The following ANKRD30B variants were observed in gnomAD, a reference collection of about 807,000 sequenced individuals.
ANKRD30B encodes ankyrin repeat domain-containing protein 30B.
Under a neutral mutation model 202.2 loss-of-function variants are expected in ANKRD30B, and 144 were observed. The ratio of observed to expected loss-of-function variants is 0.71; its 90% CI spans 0.62 to 0.82. ANKRD30B has a LOEUF of 0.82. ANKRD30B is among the 40% of genes least tolerant of loss of function. The pLI is 0.00. For synonymous variants in ANKRD30B, 508 were observed against 561.3 expected (o/e 0.91, Z 1.34); for missense variants, 1,487 against 1,669.1 (o/e 0.89, Z 1.90).
intron 8 of ANKRD30B, 120 bp downstream of exon 8, chr18:14,769,493 T>A: frequency 1.4e-6 from 1 of 726,912 alleles, no homozygotes; most frequent in Non-Finnish European, 2.2e-6. Context: ...TTAATATTTA[T>A]CATCTCACAT....
At chr18:14,774,740 A>T (rs1271193985) in intron 9 of ANKRD30B, among the ~76,000 whole-genome samples, 1 of 152,134 alleles carries the variant, frequency 6.6e-6, no homozygotes, top group Non-Finnish European at 1.5e-5. Context: ...AAAATATAAC[A>T]TGTAATTTAA....
At chr18:14,757,238 C>T (rs1186293211) in intron 4 of ANKRD30B, among the ~76,000 whole-genome samples, 1 of 152,136 alleles carries the variant, frequency 6.6e-6, no homozygotes, top group Non-Finnish European at 1.5e-5. Context: ...AGCTTCCTCA[C>T]TTGATAGGTG....
chr18:14,834,881 C>A (rs987571920), intron 34 of ANKRD30B, among the ~76,000 whole-genome samples: 2 of 151,890 alleles, frequency 1.3e-5, no homozygotes, highest in Non-Finnish European at 2.9e-5. Flanking sequence ...TATATTTAAT[C>A]TAGTCATACT....
chr18:14,817,382 A>C (rs1268497572), intron 30 of ANKRD30B, among the ~76,000 whole-genome samples: 1 of 152,156 alleles, frequency 6.6e-6, no homozygotes, highest in Non-Finnish European at 1.5e-5. Flanking sequence ...AAAAGTAATA[A>C]AAAAATAACA....
chr18:14,799,564 T>G (rs901684386), intron 22 of ANKRD30B, among the ~76,000 whole-genome samples: 2 of 152,134 alleles, frequency 1.3e-5, no homozygotes, highest in Admixed American at 1.3e-4. Context: ...TTTCTGTACG[T>G]GCTCGGTTTT....
chr18:14,865,850 G>A, the ANKRD30B span, among the ~76,000 whole-genome samples: 2 of 152,110 alleles, frequency 1.3e-5, no homozygotes, highest in African/African-American at 4.8e-5. Flanking sequence ...CCTCTAAGCC[G>A]GGCTCAGAGC....
In ANKRD30B at chr18:14,826,326, G is replaced by A. The variant is rs549569663; in HGVS notation, c.2744-1952G>A. On this transcript the variant is annotated intron_variant, in intron 32 of 43. Coordinates refer to ENST00000690538, the MANE Select transcript of ANKRD30B (RefSeq NM_001367607.2). ...TGTTGCAAATTTCTTTTAAATATGA[G>A]AATTTCAGCAGTAAGATTATAACTG... Among the ~76,000 whole-genome samples the A allele has an allele frequency of 2.6e-5, 4 of 152,316 alleles. No individual in the cohort carries two copies. The South Asian group carries it at 8.3e-4, about 32-fold the overall frequency.
chr18:14,807,057 T>C (rs1049041194), intron 24 of ANKRD30B, among the ~76,000 whole-genome samples: 1 of 151,144 alleles, frequency 6.6e-6, no homozygotes, highest in Non-Finnish European at 1.5e-5. Flanking sequence ...GTCATGCATA[T>C]TTAGCCTTAA....
chr18:14,856,031 G>A (rs1469805636), downstream of ANKRD30B, among the ~76,000 whole-genome samples: 20 of 94,312 alleles, frequency 2.1e-4, no homozygotes, highest in Middle Eastern at 0.015. Flanking sequence ...GGTGCTCCTC[G>A]CCTCCCACAT....
chr18:14,753,104 C>T, intron 3 of ANKRD30B, 92 bp downstream of exon 3: 1 of 1,026,506 alleles, frequency 9.7e-7, no homozygotes, highest in Admixed American at 3.3e-5. Flanking sequence ...GAAACACAAA[C>T]ATTCCTTGAG....
chr18:14,815,592 A>G (rs1970050439), intron 30 of ANKRD30B, among the ~76,000 whole-genome samples: 1 of 152,158 alleles, frequency 6.6e-6, no homozygotes, highest in Admixed American at 6.5e-5. Context: ...CAAGACAGAA[A>G]AGGTTAGGAG....
the ANKRD30B span, among the ~76,000 whole-genome samples, chr18:14,881,452 A>G: frequency 6.6e-6 from 1 of 152,160 alleles, no homozygotes; most frequent in Non-Finnish European, 1.5e-5. Flanking sequence ...ATGGTGGATT[A>G]TCTTTTTGAT....
At chr18:14,788,712 A>C (rs1209736686) in intron 15 of ANKRD30B, among the ~76,000 whole-genome samples, 5 of 152,048 alleles carry the variant, frequency 3.3e-5, no homozygotes, top group African/African-American at 9.7e-5. Flanking sequence ...TGTCCCTACA[A>C]AGGACATGAA....
chr18:14,846,077 T>C (rs1221479146), intron 39 of ANKRD30B, among the ~76,000 whole-genome samples: 2 of 152,096 alleles, frequency 1.3e-5, no homozygotes, highest in African/African-American at 4.8e-5. Context: ...TATTTTTTTT[T>C]TTTTTTAGCT....
In ANKRD30B at chr18:14,787,049, C is replaced by T. The variant is rs1453184179; in HGVS notation, c.1683C>T (p.Phe561=). The T allele has an allele frequency of 1.2e-6, 2 of 1,609,226 alleles. No individual in the cohort carries two copies. The highest frequency in any genetic ancestry group is 1.1e-5 in the South Asian group (1 of 90,740). The change falls in exon 15 of 44, where the codon TTC becomes TTT. Residue 561 remains phenylalanine (F), a synonymous_variant. Transcript: ENST00000690538. The part of the protein sequence containing the change: ...NEQTLRAAQM[F]PSESKQKDDE... Reference sequence around the variant, plus strand: ...ATTAACCTTTTATAGCTCAGATGTTCCCATCAGAATCCAAACAAAAGGACG... The same window carrying T: ...ATTAACCTTTTATAGCTCAGATGTTTCCATCAGAATCCAAACAAAAGGACG...
At chr18:14,790,289 G>C (rs762627780) in intron 15 of ANKRD30B, among the ~76,000 whole-genome samples, 7 of 152,126 alleles carry the variant, frequency 4.6e-5, no homozygotes, top group Non-Finnish European at 1.0e-4. Flanking sequence ...GAGATTTTGG[G>C]CTGAGACAAT....
At chr18:14,838,209 TAA>T (rs1366353521) in intron 36 of ANKRD30B, among the ~76,000 whole-genome samples, 1 of 152,236 alleles carries the variant, frequency 6.6e-6, no homozygotes, top group East Asian at 1.9e-4. Context: ...GTTCTGAAGT[TAA>T]GTTTGTCTAA....
chr18:14,868,313 T>TC, the ANKRD30B span, among the ~76,000 whole-genome samples: 3 of 152,266 alleles, frequency 2.0e-5, no homozygotes, highest in African/African-American at 7.2e-5. Flanking sequence ...GGAGGAGTCC[T>TC]CCCCCTTCTC....
intron 15 of ANKRD30B, among the ~76,000 whole-genome samples, chr18:14,789,964 C>A (rs1483216926): frequency 6.6e-6 from 1 of 152,170 alleles, no homozygotes; most frequent in African/African-American, 2.4e-5. Context: ...GGCACTGAAT[C>A]TATAAATTAC....
Sources: gnomAD v4.1 joint callset for allele counts (sites outside exome capture counted in the v4.1 genomes callset) on GRCh38, gnomAD v4.1.1 for gene constraint, MANE v1.5 for transcripts, NCBI Gene and HGNC (gene_info 2026-07-23, HGNC 2026-07-21) for gene names.